Variants in PON3 observed in about 807,000 individuals in gnomAD.
The protein encoded by PON3 is paraoxonase 3.
PON3 carries 37 observed loss-of-function variants against 36.3 expected under a neutral mutation model. That is an observed-to-expected ratio of 1.02 (90% CI 0.78 to 1.34). The LOEUF is 1.34. PON3 is among the 40% of genes most tolerant of loss of function. The probability of loss-of-function intolerance (pLI) is 0.00; values close to 1 mark genes in which losing one functional copy is unlikely to be tolerated. For synonymous variants in PON3, 155 were observed against 154.8 expected, an observed-to-expected ratio of 1.00 and a Z score of -0.01; for missense variants, 415 against 426.5, an observed-to-expected ratio of 0.97 and a Z score of 0.24.
chr7:95,364,749 T>C (rs1291459384), intron 5 of PON3: 2 of 154,394 alleles, frequency 1.3e-5, no homozygotes, highest in African/African-American at 4.8e-5. Context: ...TATCATAGCA[T>C]AACCCAGTTC....
At chr7:95,372,462 G>A in intron 3 of PON3, 124 bp from the exon 4 acceptor site, 1 of 1,063,536 alleles carries the variant, frequency 9.4e-7, no homozygotes, top group South Asian at 1.5e-5. Context: ...AGATTACTGG[G>A]CTTTTTCACT....
chr7:95,382,811 C>T lies in PON3; in HGVS notation c.201+7343G>A, dbSNP rs537435699. 2.0e-5 allele frequency among the ~76,000 whole-genome samples: 3 copies of T among 152,264 alleles called. No homozygotes were observed. In the East Asian group the frequency reaches 5.8e-4, roughly 29 times the overall value. On this transcript the variant is annotated intron_variant, in intron 3 of 8. Coordinates refer to ENST00000265627, the MANE Select transcript of PON3 (RefSeq NM_000940.3). ...TGGTACCATTCTTCCTAAACTATCC[C>T]AATCAATAGAAAAAGAGGGAATCCT...
intron 2 of PON3, among the ~76,000 whole-genome samples, chr7:95,390,953 CT>C (rs1809305217): frequency 6.6e-6 from 1 of 152,186 alleles, no homozygotes; most frequent in Admixed American, 6.5e-5. Context: ...TCCTCTGAGA[CT>C]TTCCCACACA....
intron 5 of PON3, 126 bp from the exon 6 acceptor site, chr7:95,364,189 G>A: frequency 1.3e-6 from 1 of 781,942 alleles, no homozygotes; most frequent in South Asian, 1.5e-5. Flanking sequence ...ACATGAACTA[G>A]TATGGATTAA....
At chr7:95,383,719 G>A (rs1240537437) in intron 3 of PON3, among the ~76,000 whole-genome samples, 1 of 152,134 alleles carries the variant, frequency 6.6e-6, no homozygotes, top group Non-Finnish European at 1.5e-5. Flanking sequence ...CAAACAAATG[G>A]AAGAACATTC....
At chr7:95,361,206 T>C (rs1808563034) in intron 8 of PON3, among the ~76,000 whole-genome samples, 2 of 152,156 alleles carry the variant, frequency 1.3e-5, no homozygotes, top group Admixed American at 1.3e-4. Context: ...GGTTGGACTT[T>C]TGTTTCTTTT....
At position 95,362,417 on chromosome 7, in the gene PON3, T is replaced by A. The variant is rs562802967; in HGVS notation, c.851A>T (p.His284Leu). ...PATGDILAGC[H>L]PNPMKLLNYN... Reference sequence around the variant, plus strand: ...GTTCAGTAGCTTCATAGGATTAGGATGGCATCCTGCCAAAATGTCTCCTGT... The same window carrying A: ...GTTCAGTAGCTTCATAGGATTAGGAAGGCATCCTGCCAAAATGTCTCCTGT... Residue 284 changes from histidine (H) to leucine (L), a missense_variant, in exon 8 of 9, where the codon CAT becomes CTT. Physicochemically the swap from His to Leu is moderately conservative, Grantham distance 99. Transcript: ENST00000265627. The A allele has an allele frequency of 1.5e-4, 243 of 1,613,688 alleles. No individual in the cohort carries two copies. Among genetic ancestry groups the A allele is most frequent in the Non-Finnish European group, 1.9e-4 (220 of 1,179,800 alleles).
intron 5 of PON3, chr7:95,364,434 C>T: frequency 3.2e-6 from 1 of 313,014 alleles, no homozygotes. Flanking sequence ...ACTTCCCCAT[C>T]CCCTTGCAGT....
chr7:95,380,611 G>A (rs1489434959), intron 3 of PON3, among the ~76,000 whole-genome samples: 3 of 152,186 alleles, frequency 2.0e-5, no homozygotes, highest in Non-Finnish European at 2.9e-5. Flanking sequence ...AATGATTGAA[G>A]ATCAAATGAA....
intron 2 of PON3, among the ~76,000 whole-genome samples, chr7:95,390,534 T>C (rs758529735): frequency 7.2e-5 from 11 of 152,210 alleles, no homozygotes; most frequent in Non-Finnish European, 1.5e-4. Flanking sequence ...GAGATTCAGC[T>C]TTATCCCCCA....
intron 1 of PON3, 54 bp from the exon 2 acceptor site, chr7:95,394,768 T>C (rs1180804545): frequency 5.0e-6 from 7 of 1,386,492 alleles, no homozygotes; most frequent in South Asian, 1.2e-5. Flanking sequence ...TCAAAATGTA[T>C]GTTTAAATGT....
intron 4 of PON3, 26 bp from the exon 5 acceptor site, chr7:95,367,514 C>T (rs369272450): frequency 3.1e-6 from 5 of 1,610,054 alleles, no homozygotes; most frequent in Non-Finnish European, 4.2e-6. Flanking sequence ...GGATAATTTC[C>T]AAGAAAGTTA....
At chr7:95,386,900 A>G (rs902105524) in intron 3 of PON3, among the ~76,000 whole-genome samples, 3 of 152,230 alleles carry the variant, frequency 2.0e-5, no homozygotes, top group Non-Finnish European at 2.9e-5. Flanking sequence ...GATTATCTCA[A>G]TAGATGCAGA....
chr7:95,362,964 A>G, intron 6 of PON3, 123 bp from the exon 7 acceptor site: 1 of 719,580 alleles, frequency 1.4e-6, no homozygotes, highest in Non-Finnish European at 2.5e-6. Context: ...CCTTTTCTAA[A>G]CCACAGTAAA....
chr7:95,380,745 C>T (rs1360287359), intron 3 of PON3, among the ~76,000 whole-genome samples: 4 of 152,226 alleles, frequency 2.6e-5, no homozygotes, highest in African/African-American at 7.2e-5. Flanking sequence ...CTGAAAGTGA[C>T]GGGGAGAATG....
chr7:95,364,365 T>C, intron 5 of PON3: 1 of 423,794 alleles, frequency 2.4e-6, no homozygotes, highest in African/African-American at 2.0e-5. Context: ...ATCATGGTTA[T>C]CTGTGACAGT....
chr7:95,379,716 T>G (rs1220663912), intron 3 of PON3, among the ~76,000 whole-genome samples: 1 of 152,200 alleles, frequency 6.6e-6, no homozygotes, highest in Non-Finnish European at 1.5e-5. Flanking sequence ...AAGCTCGAAC[T>G]GGGTGGAGCC....
At position 95,362,128 on chromosome 7, in the gene PON3, C is replaced by G. The variant is rs17883761; in HGVS notation, c.906+234G>C. On this transcript the variant is annotated intron_variant, in intron 8 of 8. Transcript: ENST00000265627. Reference sequence around the variant, plus strand: ...GGCAATCTGGGTCAATATGAATAATCGAGCTTATGTTTTTCCATTATTCCC... The same window carrying G: ...GGCAATCTGGGTCAATATGAATAATGGAGCTTATGTTTTTCCATTATTCCC... 3.9e-3 allele frequency among the ~76,000 whole-genome samples: 600 copies of G among 152,238 alleles called. 4 individuals are homozygous for G. The highest frequency in any genetic ancestry group is 0.014 in the Middle Eastern group (4 of 294).
At chr7:95,367,284 GC>G (rs2116382600) in intron 5 of PON3, 77 bp downstream of exon 5, 2 of 1,541,466 alleles carry the variant, frequency 1.3e-6, no homozygotes, top group East Asian at 4.5e-5. Context: ...GTTTAAGAAA[GC>G]CTGCTGAACC....
Sources: gnomAD v4.1 joint callset for allele counts (sites outside exome capture counted in the v4.1 genomes callset) on GRCh38, gnomAD v4.1.1 for gene constraint, MANE v1.5 for transcripts, NCBI Gene and HGNC (gene_info 2026-07-23, HGNC 2026-07-21) for gene names.